The following DCLRE1C variants were observed in gnomAD, a reference collection of about 807,000 sequenced individuals.
The protein encoded by DCLRE1C is protein artemis.
In DCLRE1C, 47 loss-of-function variants were observed where a neutral mutation model predicts 61.4. The ratio of observed to expected loss-of-function variants is 0.77; its 90% CI spans 0.61 to 0.98. The LOEUF is 0.98. DCLRE1C is among the 50% of genes least tolerant of loss of function. The probability of loss-of-function intolerance (pLI) is 0.00; values close to 1 mark genes in which losing one functional copy is unlikely to be tolerated. For missense variants in DCLRE1C, 858 were observed against 816.0 expected (o/e 1.05, Z -0.63); for synonymous variants, 337 against 287.6 (o/e 1.17, Z -1.74).
Position 14,953,948 on chromosome 10 carries a change from C to T in DCLRE1C, c.63G>A (p.Arg21=), listed in dbSNP as rs1173686967. The change falls in exon 1 of 14, where the codon AGG becomes AGA. Residue 21 remains arginine, a synonymous_variant. Transcript: ENST00000378278. ...AGTAGGCGCGGGCCCTCAGGTTCTC[C>T]CTATCGAAGCGGTCTATGGAGATAG... ...YPTISIDRFD[R]ENLRARAYFL... 6.2e-7 allele frequency: 1 copy of T among 1,614,066 alleles called. No homozygotes were observed. Among genetic ancestry groups the T allele is most frequent in the East Asian group, 2.2e-5 (1 of 44,866 alleles).
Position 14,931,051 on chromosome 10 carries a change from T to C in DCLRE1C, c.780+1803A>G, listed in dbSNP as rs553883181. ...ATTACTACAATAATAGTGATCTAAA[T>C]GAATAAATGCAATGTTTACTTTAAA... On this transcript the variant is annotated intron_variant, in intron 9 of 13. Coordinates refer to ENST00000378278, the MANE Select transcript of DCLRE1C (RefSeq NM_001033855.3). Among the ~76,000 whole-genome samples the C allele has an allele frequency of 5.3e-5, 8 of 152,330 alleles. No individual in the cohort carries two copies. The South Asian group carries it at 6.2e-4, about 12-fold the overall frequency.
downstream of DCLRE1C, chr10:14,901,189 T>G: frequency 6.2e-7 from 1 of 1,614,070 alleles, no homozygotes; most frequent in Non-Finnish European, 8.5e-7. Context: ...ATACTCGTCT[T>G]CCCCGAATAG....
intron 13 of DCLRE1C, among the ~76,000 whole-genome samples, chr10:14,909,763 G>A (rs567310820): frequency 6.6e-6 from 1 of 151,916 alleles, no homozygotes; most frequent in Non-Finnish European, 1.5e-5. Context: ...GATGCTCAGT[G>A]GGTTGGCTGA....
intron 2 of DCLRE1C, chr10:14,945,453 T>C: frequency 8.4e-7 from 1 of 1,183,928 alleles, no homozygotes; most frequent in Non-Finnish European, 1.1e-6. Context: ...ACCATTTCAG[T>C]GCCACCAAGA....
rs1838062506 is a variant in DCLRE1C, at chr10:14,926,789, C to T, written c.972+54G>A. On this transcript the variant is annotated intron_variant, in intron 11 of 13. Coordinates refer to ENST00000378278, the MANE Select transcript of DCLRE1C (RefSeq NM_001033855.3). ...AGTCAGGGGACTACCTGTCAACTAC[C>T]AAGGCTGCAGAACACTGAGCGATAA... 7.0e-6 allele frequency: 10 copies of T among 1,436,504 alleles called. No individual in the cohort carries two copies. In the South Asian group the frequency reaches 9.2e-5, roughly 13 times the overall value. The allele number at this position is 1,436,504 out of a possible 1,614,324, so 89.0% of individuals were successfully genotyped here.
intron 13 of DCLRE1C, among the ~76,000 whole-genome samples, chr10:14,910,622 G>C (rs905697585): frequency 6.6e-6 from 1 of 152,116 alleles, no homozygotes; most frequent in African/African-American, 2.4e-5. Flanking sequence ...AAATATTTTT[G>C]TATGATCTCT....
intron 13 of DCLRE1C, among the ~76,000 whole-genome samples, chr10:14,913,308 T>C (rs1172668069): frequency 1.3e-5 from 2 of 152,234 alleles, no homozygotes; most frequent in African/African-American, 4.8e-5. Context: ...GTTCCAAAAT[T>C]AGATAGTGGG....
chr10:14,901,202 T>C (rs369793867), downstream of DCLRE1C: 1 of 1,613,940 alleles, frequency 6.2e-7, no homozygotes, highest in African/African-American at 1.3e-5. Flanking sequence ...CCGAATAGCA[T>C]TGTTTTCCAC....
chr10:14,945,163 G>A lies in DCLRE1C; in HGVS notation c.188C>T (p.Pro63Leu). Reference protein sequence around the residue: ...CSLKVYLYCSPVTKELLLTSP... With the variant: ...CSLKVYLYCSLVTKELLLTSP... ...CGTTAACAACAACTCCTTAGTCACA[G>A]GTGAACAGTATAGATAAACCTTCAA... Residue 63 changes from proline to leucine, a missense_variant, in exon 3 of 14, where the codon CCT becomes CTT. Physicochemically the swap from Pro to Leu is moderately conservative, Grantham distance 98. This residue lies in a region of DCLRE1C where 843 missense variants were observed against 783.5 expected (regional missense o/e 1.08). Coordinates refer to ENST00000378278, the MANE Select transcript of DCLRE1C (RefSeq NM_001033855.3). The A allele has an allele frequency of 6.2e-7, 1 of 1,613,002 alleles. No homozygotes were observed. Among genetic ancestry groups the A allele is most frequent in the East Asian group, 2.2e-5 (1 of 44,802 alleles).
intron 4 of DCLRE1C, 84 bp downstream of exon 4, chr10:14,939,726 C>G: frequency 2.5e-6 from 3 of 1,197,230 alleles, no homozygotes; most frequent in South Asian, 1.3e-5. Context: ...GGTGGAGCAT[C>G]TGACTGCAAA....
chr10:14,924,875 AT>A (rs1335642205), intron 11 of DCLRE1C, among the ~76,000 whole-genome samples: 1 of 151,890 alleles, frequency 6.6e-6, no homozygotes, highest in Non-Finnish European at 1.5e-5. Flanking sequence ...AAATTAAAAA[AT>A]TAAAAAAAAA....
At chr10:14,920,379 C>A in intron 12 of DCLRE1C, 1 of 1,026,098 alleles carries the variant, frequency 9.7e-7, no homozygotes, top group Non-Finnish European at 1.2e-6. Flanking sequence ...AGACGTCCTA[C>A]CCCTTTCGAA....
chr10:14,928,028 T>G lies in DCLRE1C; in HGVS notation c.905A>C (p.Asn302Thr), dbSNP rs748516669. 4 of 1,613,878 alleles carry G rather than the reference T, an allele frequency of 2.5e-6. No individual in the cohort carries two copies. The highest frequency in any genetic ancestry group is 3.4e-6 in the Non-Finnish European group (4 of 1,179,906). ...MWFGERSRKT[N>T]VIVRTGESSY... ...ATTGCTCTCTTACCTCACAATTACA[T>G]TTGTTTTTCTGCTCCTTTCTCCAAA... The change falls in exon 10 of 14, where the codon AAT becomes ACT. Residue 302 changes from asparagine to threonine, a missense_variant. Asn to Thr is a moderately conservative substitution (Grantham distance 65). Around this residue, in one of 2 missense-constraint regions of DCLRE1C, gnomAD observed 843 missense variants for 783.5 expected, o/e 1.08. Transcript: ENST00000378278.
At chr10:14,952,688 G>A (rs147458249) in intron 1 of DCLRE1C, among the ~76,000 whole-genome samples, 9 of 152,158 alleles carry the variant, frequency 5.9e-5, no homozygotes, top group African/African-American at 1.9e-4. Flanking sequence ...CAGCCTGGGC[G>A]ACAAAGGGAG....
chr10:14,898,088 A>ATG (rs1303019407), exon 14 of DCLRE1C: 3 of 145,356 alleles, frequency 2.1e-5, no homozygotes, highest in East Asian at 2.2e-4. Context: ...AATCATATAT[A>ATG]TGTATATATA....
chr10:14,924,502 A>G (rs1029678706), intron 11 of DCLRE1C, among the ~76,000 whole-genome samples: 1 of 152,222 alleles, frequency 6.6e-6, no homozygotes, highest in South Asian at 2.1e-4. Context: ...TTAAAAGTAT[A>G]AATGAGATTA....
At chr10:14,947,889 T>A (rs1841923417) in intron 2 of DCLRE1C, among the ~76,000 whole-genome samples, 1 of 151,894 alleles carries the variant, frequency 6.6e-6, no homozygotes, top group Non-Finnish European at 1.5e-5. Context: ...GTAAAACCCC[T>A]CTCTACCGAA....
Position 14,905,447 on chromosome 10 carries a change from A to G in DCLRE1C, c.*2961T>C, listed in dbSNP as rs1218403526. On this transcript the variant is annotated 3_prime_UTR_variant, in exon 14 of 14. Transcript: ENST00000378278. ...TGACCCAGTCTTTTATGCCTTTTATATGTATTCATGTGCTTCTAATGAACC... is the reference window on the plus strand; with the variant it reads ...TGACCCAGTCTTTTATGCCTTTTATGTGTATTCATGTGCTTCTAATGAACC... Among the ~76,000 whole-genome samples, 1 of 152,208 alleles carries G rather than the reference A, an allele frequency of 6.6e-6. No homozygotes were observed. The highest frequency in any genetic ancestry group is 1.5e-5 in the Non-Finnish European group (1 of 68,042).
chr10:14,945,560 G>A (rs1001556001), intron 2 of DCLRE1C: 1 of 1,066,256 alleles, frequency 9.4e-7, no homozygotes, highest in Admixed American at 5.0e-5. Flanking sequence ...ATGTGATCAG[G>A]TGTGTCTGGA....
Sources: allele counts gnomAD v4.1 joint callset (sites outside exome capture counted in the v4.1 genomes callset), GRCh38; gene constraint gnomAD v4.1.1; regional missense constraint gnomAD v4.1.1; transcripts MANE v1.5; gene names NCBI Gene and HGNC (gene_info 2026-07-23, HGNC 2026-07-21).